Variants in EYS observed in about 807,000 individuals in gnomAD.
EYS encodes protein eyes shut homolog.
Under a neutral mutation model 282.1 loss-of-function variants are expected in EYS, and 250 were observed. That is an observed-to-expected ratio of 0.89 (90% CI 0.80 to 0.98). EYS has a LOEUF of 0.98. Among genes scored for constraint, EYS ranks in the 50% least tolerant of loss-of-function variants. The probability of loss-of-function intolerance (pLI) is 0.00; values close to 1 mark genes in which losing one functional copy is unlikely to be tolerated. For synonymous variants in EYS, 1,355 were observed against 1,282.9 expected, an observed-to-expected ratio of 1.06 and a Z score of -1.20; for missense variants, 4,016 against 3,709.0, an observed-to-expected ratio of 1.08 and a Z score of -2.15.
chr6:63,893,533 A>G (rs1194333015), intron 35 of EYS, among the ~76,000 whole-genome samples: 1 of 152,124 alleles, frequency 6.6e-6, no homozygotes, highest in African/African-American at 2.4e-5. Flanking sequence ...CAATGAGGAC[A>G]TATGAGCACA....
intron 12 of EYS, among the ~76,000 whole-genome samples, chr6:65,284,393 A>T (rs1768303484): frequency 6.6e-6 from 1 of 152,134 alleles, no homozygotes; most frequent in Non-Finnish European, 1.5e-5. Context: ...GGTGATTTTT[A>T]AAAAGTCAGA....
chr6:64,716,915 C>A (rs908957223), intron 22 of EYS, among the ~76,000 whole-genome samples: 1 of 152,064 alleles, frequency 6.6e-6, no homozygotes, highest in African/African-American at 2.4e-5. Context: ...GAAAGTGAAT[C>A]GCCTGTAGCA....
chr6:65,017,878 G>A (rs1241818842), intron 13 of EYS, among the ~76,000 whole-genome samples: 1 of 152,008 alleles, frequency 6.6e-6, no homozygotes, highest in Non-Finnish European at 1.5e-5. Context: ...TCATAGAGTA[G>A]AGGCCAAACT....
chr6:64,668,543 CT>C (rs35765768), intron 22 of EYS, among the ~76,000 whole-genome samples: 10,377 of 75,842 alleles, frequency 0.14, 223 homozygotes, highest in African/African-American at 0.18. Flanking sequence ...TACCACAATT[CT>C]TTTTTTTTTT....
intron 31 of EYS, among the ~76,000 whole-genome samples, chr6:64,122,662 G>T (rs1411785283): frequency 6.6e-6 from 1 of 150,956 alleles, no homozygotes; most frequent in Non-Finnish European, 1.5e-5. Flanking sequence ...TCATTAATAT[G>T]TTAAAAAAAT....
intron 1 of EYS, among the ~76,000 whole-genome samples, chr6:65,678,406 CA>C (rs779093420): frequency 6.6e-6 from 1 of 151,834 alleles, no homozygotes; most frequent in Non-Finnish European, 1.5e-5. Flanking sequence ...TATTCAGATG[CA>C]ATAGAATAAA....
At chr6:65,364,246 T>A (rs911670682) in intron 8 of EYS, among the ~76,000 whole-genome samples, 3 of 78,134 alleles carry the variant, frequency 3.8e-5, no homozygotes, top group Non-Finnish European at 8.4e-5. Context: ...ATCAACTAAA[T>A]GTTTTTTTTT....
At chr6:63,977,424 T>C (rs1007908013) in intron 35 of EYS, among the ~76,000 whole-genome samples, 3 of 152,044 alleles carry the variant, frequency 2.0e-5, no homozygotes, top group African/African-American at 7.2e-5. Context: ...ATGGAGATGC[T>C]TCCTGATCGC....
At chr6:65,477,167 A>G (rs568485089) in intron 5 of EYS, among the ~76,000 whole-genome samples, 1 of 152,294 alleles carries the variant, frequency 6.6e-6, no homozygotes, top group South Asian at 2.1e-4. Flanking sequence ...TTAACTTTCT[A>G]GATTTTCATT....
chr6:64,154,440 C>CAA (rs397819570), intron 31 of EYS, among the ~76,000 whole-genome samples: 1,139 of 58,362 alleles, frequency 0.02, 28 homozygotes, highest in African/African-American at 0.045. Flanking sequence ...AACTCCGTCT[C>CAA]AAAAAAAAAA....
At chr6:64,028,392 AC>A (rs1249419954) in intron 33 of EYS, among the ~76,000 whole-genome samples, 2 of 152,210 alleles carry the variant, frequency 1.3e-5, no homozygotes, top group Admixed American at 6.5e-5. Flanking sequence ...TCCCTGCAAC[AC>A]CCCAATTCTA....
At chr6:65,091,743 C>A (rs933423111) in intron 12 of EYS, among the ~76,000 whole-genome samples, 1 of 152,030 alleles carries the variant, frequency 6.6e-6, no homozygotes, top group East Asian at 1.9e-4. Flanking sequence ...CACGACACAG[C>A]GGGTTTGGAG....
chr6:65,267,078 T>A (rs945193853), intron 12 of EYS, among the ~76,000 whole-genome samples: 8 of 151,420 alleles, frequency 5.3e-5, no homozygotes. Context: ...TCCAGAATTT[T>A]TCTGTACATG....
In EYS at chr6:65,706,770, T is replaced by C. The variant is rs559472105; in HGVS notation, c.-448+365A>G. Among the ~76,000 whole-genome samples, 364 of 152,258 alleles carry C rather than the reference T, an allele frequency of 2.4e-3. 2 individuals carry two copies. The highest frequency in any genetic ancestry group is 2.5e-3 in the Non-Finnish European group (172 of 67,990). ...TTGCAATTGACATTTCATGGCCCTA[T>C]GTATATGCTAGCAGACAATGGGGGA... On this transcript the variant is annotated intron_variant, in intron 1 of 42. Coordinates refer to ENST00000503581, the MANE Select transcript of EYS (RefSeq NM_001142800.2).
At chr6:64,184,321 T>C (rs376895270) in intron 31 of EYS, among the ~76,000 whole-genome samples, 17 of 152,294 alleles carry the variant, frequency 1.1e-4, no homozygotes, top group African/African-American at 4.1e-4. Flanking sequence ...AGTTATTTGA[T>C]CAAAAAAGCT....
chr6:63,981,451 T>C (rs970903886), intron 35 of EYS, among the ~76,000 whole-genome samples: 7 of 151,866 alleles, frequency 4.6e-5, no homozygotes, highest in Non-Finnish European at 1.0e-4. Context: ...ATTGCAGGAA[T>C]ATAAGTCATA....
At chr6:65,608,813 A>G (rs578128185) in intron 2 of EYS, among the ~76,000 whole-genome samples, 5 of 152,166 alleles carry the variant, frequency 3.3e-5, no homozygotes, top group African/African-American at 1.2e-4. Flanking sequence ...ACAAACACAC[A>G]TATTAGTCTA....
intron 5 of EYS, among the ~76,000 whole-genome samples, chr6:65,433,550 A>T (rs1218660675): frequency 2.0e-5 from 3 of 152,224 alleles, no homozygotes; most frequent in African/African-American, 7.2e-5. Context: ...TCATTATATG[A>T]GAGATGAAAG....
intron 12 of EYS, among the ~76,000 whole-genome samples, chr6:65,216,800 ATATAT>A (rs955578750): frequency 6.6e-6 from 1 of 151,936 alleles, no homozygotes; most frequent in Non-Finnish European, 1.5e-5. Flanking sequence ...ATATGTATAC[ATATAT>A]TATACATCAA....
Sources: gnomAD v4.1 joint callset for allele counts (sites outside exome capture counted in the v4.1 genomes callset) on GRCh38, gnomAD v4.1.1 for gene constraint, MANE v1.5 for transcripts, NCBI Gene and HGNC (gene_info 2026-07-23, HGNC 2026-07-21) for gene names.